Variants in ZBTB46 observed in about 807,000 individuals in gnomAD.
ZBTB46 encodes zinc finger and BTB domain containing 46.
In ZBTB46, 8 loss-of-function variants were observed where a neutral mutation model predicts 44.1. That is an observed-to-expected ratio of 0.18 (90% CI 0.11 to 0.33). The LOEUF is 0.33. ZBTB46 is among the 10% of genes least tolerant of loss of function. The probability of loss-of-function intolerance (pLI) is 1.00; values close to 1 mark genes in which losing one functional copy is unlikely to be tolerated. For missense variants in ZBTB46, 651 were observed against 847.7 expected (o/e 0.77, Z 2.88); for synonymous variants, 409 against 382.3 (o/e 1.07, Z -0.81).
At chr20:63,812,745 C>T (rs1171445543) in intron 1 of ZBTB46, among the ~76,000 whole-genome samples, 1 of 152,150 alleles carries the variant, frequency 6.6e-6, no homozygotes, top group Non-Finnish European at 1.5e-5. Flanking sequence ...CCCCACTGCA[C>T]TCCAGCCTGG....
intron 2 of ZBTB46, among the ~76,000 whole-genome samples, chr20:63,781,689 G>A (rs994461274): frequency 6.6e-6 from 1 of 152,140 alleles, no homozygotes; most frequent in Non-Finnish European, 1.5e-5. Context: ...GTACTCGGGA[G>A]GCTGAGGCAG....
At chr20:63,823,889 T>TGTG (rs1568910610) in intron 1 of ZBTB46, among the ~76,000 whole-genome samples, 1 of 150,652 alleles carries the variant, frequency 6.6e-6, no homozygotes, top group Non-Finnish European at 1.5e-5. Flanking sequence ...TGTGTGTGTG[T>TGTG]TCTTTGGGAC....
Position 63,746,834 on chromosome 20 carries a change from G to A in ZBTB46, c.*96C>T, listed in dbSNP as rs771261356. The A allele has an allele frequency of 1.7e-4, 240 of 1,410,638 alleles. No individual in the cohort carries two copies. The highest frequency in any genetic ancestry group is 2.0e-4 in the Non-Finnish European group (219 of 1,084,782). 87.4% of individuals were successfully genotyped at this position (1,410,638 alleles called of 1,614,324 possible). A position where few individuals can be genotyped will look rare whatever the true frequency, so the allele number is the denominator to read the frequency against. On this transcript the variant is annotated 3_prime_UTR_variant, in exon 5 of 5. Transcript: ENST00000245663. ...GGGAAGCAGAGGAGGGGCCGCGAGA[G>A]GGGTGAGCGTGGCCCTGGCCCCGCA...
intron 1 of ZBTB46, among the ~76,000 whole-genome samples, chr20:63,824,296 A>G (rs2092808705): frequency 6.6e-6 from 1 of 152,182 alleles, no homozygotes; most frequent in African/African-American, 2.4e-5. Flanking sequence ...AAGGAGCTGA[A>G]TAATCTCTAC....
intron 3 of ZBTB46, among the ~76,000 whole-genome samples, chr20:63,770,172 G>A (rs973122093): frequency 1.3e-4 from 20 of 152,186 alleles, no homozygotes; most frequent in Non-Finnish European, 8.8e-5. Context: ...ACCGGCCGGC[G>A]GCGCATCCTC....
chr20:63,833,121 T>A (rs2092860169), upstream of ZBTB46, among the ~76,000 whole-genome samples: 1 of 152,234 alleles, frequency 6.6e-6, no homozygotes, highest in African/African-American at 2.4e-5. Flanking sequence ...AGAGCAGTGT[T>A]GATGGTTTGC....
intron 4 of ZBTB46, among the ~76,000 whole-genome samples, chr20:63,750,399 T>G (rs1316389457): frequency 2.0e-5 from 3 of 147,214 alleles, no homozygotes; most frequent in Non-Finnish European, 4.5e-5. Flanking sequence ...TTGGCTAACT[T>G]TTTTTTTTTT....
chr20:63,824,257 T>G (rs60086020), intron 1 of ZBTB46, among the ~76,000 whole-genome samples: 11,976 of 152,172 alleles, frequency 0.079, 933 homozygotes, highest in East Asian at 0.45. Flanking sequence ...AACAAGTGCC[T>G]TCTTCAGCCA....
At chr20:63,789,777 A>G in intron 2 of ZBTB46, 44 bp downstream of exon 2, 3 of 1,569,004 alleles carry the variant, frequency 1.9e-6, no homozygotes, top group Non-Finnish European at 2.6e-6. Flanking sequence ...TGAGGCCTGG[A>G]CACACTGGGG....
In ZBTB46 at chr20:63,752,781, G is replaced by T. The variant is rs143317163; in HGVS notation, c.1303C>A (p.Arg435=). The part of the protein sequence containing the change: ...FSAMHQCILK[R]HMRSHTGERP... ...TCTCCCGTGTGCGAGCGCATGTGTC[G>T]CTTGAGGATGCACTGGTGCATGGCC... Residue 435 remains arginine, a synonymous_variant, in exon 4 of 5, where the codon CGA becomes AGA. Transcript: ENST00000245663. This position sits in a 1 kb window ranked among gnomAD's most constrained non-coding sequence, Gnocchi z 5.6. The T allele has an allele frequency of 7.4e-6, 12 of 1,612,942 alleles. No individual in the cohort carries two copies. In the African/African-American group the frequency reaches 1.6e-4, roughly 22 times the overall value.
intron 1 of ZBTB46, 106 bp from the exon 2 acceptor site, chr20:63,790,896 G>A: frequency 1.4e-6 from 2 of 1,422,930 alleles, no homozygotes; most frequent in Non-Finnish European, 1.8e-6. Flanking sequence ...TGCGGCCAGT[G>A]GGAGGACGAC....
intron 3 of ZBTB46, among the ~76,000 whole-genome samples, chr20:63,763,090 C>A (rs952396448): frequency 6.6e-6 from 1 of 152,120 alleles, no homozygotes; most frequent in African/African-American, 2.4e-5. Flanking sequence ...AAACTCTTGG[C>A]CCCAAGTGAT....
chr20:63,752,652 CAGCGCGCG>C lies in ZBTB46; in HGVS notation c.1398+26_1398+33del, dbSNP rs1280597023. ...CCTGCCCGGACATCGTGGCCACGCG[CAGCGCGCG>C]GCACGCGGACCCTCCCCGCACTCAC... is the stretch of plus-strand genomic sequence containing the variant. On this transcript the variant is annotated intron_variant, in intron 4 of 4. Transcript: ENST00000245663. The surrounding 1 kb of genome is among the most constrained non-coding windows in gnomAD (Gnocchi z 5.6). The C allele has an allele frequency of 4.0e-6, 6 of 1,484,946 alleles. No homozygotes were observed. Among genetic ancestry groups the C allele is most frequent in the Non-Finnish European group, 5.4e-6 (6 of 1,116,548 alleles). The allele number at this position is 1,484,946 out of a possible 1,614,324, so 92.0% of individuals were successfully genotyped here.
intron 2 of ZBTB46, 151 bp from the exon 3 acceptor site, chr20:63,776,113 C>T: frequency 9.9e-7 from 1 of 1,013,164 alleles, no homozygotes; most frequent in Admixed American, 3.4e-5. Flanking sequence ...CGGGCACCTG[C>T]CCCAGCAATG....
rs142933849 is a variant in ZBTB46, at chr20:63,790,311, C to G, written c.447G>C (p.Ser149=). The stretch of plus-strand genomic sequence containing the variant: ...TGAGAGCTTCCGTGCTGCTGCTGGA[C>G]GAGGCGCCGATCTCGAACTCCGCAA... ...DELAEFEIGA[S]SSSSTEALIS... The change falls in exon 2 of 5, where the codon TCG becomes TCC. Residue 149 remains serine, a synonymous_variant. Coordinates refer to ENST00000245663, the MANE Select transcript of ZBTB46 (RefSeq NM_001369741.1). 8.1e-6 allele frequency: 13 copies of G among 1,612,910 alleles called. No individual in the cohort carries two copies. Among genetic ancestry groups the G allele is most frequent in the Non-Finnish European group, 1.1e-5 (13 of 1,179,980 alleles).
intron 1 of ZBTB46, among the ~76,000 whole-genome samples, chr20:63,795,806 T>G (rs938527909): frequency 6.6e-6 from 1 of 151,850 alleles, no homozygotes; most frequent in African/African-American, 2.4e-5. Flanking sequence ...TCAGCTGGAG[T>G]GAAGGAAGAG....
At chr20:63,797,494 T>A (rs1040318129) in intron 1 of ZBTB46, among the ~76,000 whole-genome samples, 1 of 152,180 alleles carries the variant, frequency 6.6e-6, no homozygotes, top group African/African-American at 2.4e-5. Flanking sequence ...GCAACATGAT[T>A]TATAATCCTT....
At chr20:63,774,894 G>A (rs1354165108) in intron 3 of ZBTB46, among the ~76,000 whole-genome samples, 3 of 151,908 alleles carry the variant, frequency 2.0e-5, no homozygotes, top group East Asian at 1.9e-4. Flanking sequence ...TAGTAGAGAC[G>A]GGGTTTCACC....
At chr20:63,757,900 G>A (rs1301753379) in intron 3 of ZBTB46, among the ~76,000 whole-genome samples, 1 of 55,770 alleles carries the variant, frequency 1.8e-5, no homozygotes, top group African/African-American at 7.2e-5. Flanking sequence ...CGCCCATCCA[G>A]AGCTCACACT....
Sources: allele counts gnomAD v4.1 joint callset (sites outside exome capture counted in the v4.1 genomes callset), GRCh38; gene constraint gnomAD v4.1.1; non-coding constraint Gnocchi (gnomAD v3.1); transcripts MANE v1.5; gene names NCBI Gene and HGNC (gene_info 2026-07-23, HGNC 2026-07-21).